Variants in PRKG1 observed in about 807,000 individuals in gnomAD.
The protein encoded by PRKG1 is protein kinase cGMP-dependent 1, also known as cGMP-dependent protein kinase 1.
In PRKG1, 35 loss-of-function variants were observed where a neutral mutation model predicts 88.1. The observed-to-expected ratio is 0.40, with a 90% CI of 0.30 to 0.53. The LOEUF (loss-of-function observed/expected upper bound fraction) is 0.53. Ranked by LOEUF, PRKG1 falls within the 20% of genes least tolerant of loss-of-function variation. PRKG1 has a pLI of 0.59. For synonymous variants in PRKG1, 303 were observed against 292.5 expected, an observed-to-expected ratio of 1.04 and a Z score of -0.37; for missense variants, 540 against 839.8, an observed-to-expected ratio of 0.64 and a Z score of 4.41.
rs1441404423 is a variant in PRKG1 at position 52,166,824 on chromosome 10, T to TA, written c.1076+4862dup. The stretch of plus-strand genomic sequence containing the variant: ...ATATATATATGTATATATATGTATA[T>TA]ATATGTATATATATGTATATATATG... On this transcript the variant is annotated intron_variant, in intron 9 of 17. Transcript: ENST00000373980. Among the ~76,000 whole-genome samples the TA allele has an allele frequency of 1.4e-3, 3 of 2,084 alleles. 1 individual carries two copies. The Non-Finnish European group carries it at 0.016, about 11-fold the overall frequency. 1.4% of individuals were successfully genotyped at this position (2,084 alleles called of 152,430 possible).
intron 3 of PRKG1, among the ~76,000 whole-genome samples, chr10:51,690,780 G>T (rs1270712321): frequency 1.3e-5 from 2 of 151,746 alleles, no homozygotes; most frequent in East Asian, 3.9e-4. Flanking sequence ...ACAAAAATTA[G>T]CTGGGTGTGG....
intron 2 of PRKG1, among the ~76,000 whole-genome samples, chr10:51,389,982 T>C (rs1837355837): frequency 1.3e-5 from 2 of 152,226 alleles, no homozygotes; most frequent in Admixed American, 6.5e-5. Flanking sequence ...ACTGGCCATA[T>C]GCAAAATCTG....
chr10:51,185,061 C>CAAGT (rs1156313304), intron 2 of PRKG1, among the ~76,000 whole-genome samples: 8 of 152,150 alleles, frequency 5.3e-5, no homozygotes, highest in African/African-American at 1.9e-4. Context: ...CTCACATCAT[C>CAAGT]AAGTGGAGAT....
intron 2 of PRKG1, among the ~76,000 whole-genome samples, chr10:51,404,356 AC>A (rs1837845033): frequency 1.3e-5 from 2 of 152,356 alleles, no homozygotes; most frequent in South Asian, 4.1e-4. Context: ...TTATGATGAA[AC>A]AATAACTGGG....
intron 2 of PRKG1, among the ~76,000 whole-genome samples, chr10:51,419,643 C>T (rs1450765432): frequency 6.6e-6 from 1 of 152,002 alleles, no homozygotes; most frequent in Non-Finnish European, 1.5e-5. Flanking sequence ...ATTTTTTAAA[C>T]TTAGAGATTA....
At chr10:51,749,482 T>C (rs1270783079) in intron 3 of PRKG1, among the ~76,000 whole-genome samples, 1 of 152,094 alleles carries the variant, frequency 6.6e-6, no homozygotes, top group Non-Finnish European at 1.5e-5. Context: ...TTCCTCTTCT[T>C]ATAAGGCCAT....
intron 2 of PRKG1, among the ~76,000 whole-genome samples, chr10:51,261,998 T>A (rs905721727): frequency 6.7e-6 from 1 of 149,418 alleles, no homozygotes; most frequent in Non-Finnish European, 1.5e-5. Context: ...GCCACTCTCC[T>A]GCCTCAGCCT....
intron 1 of PRKG1, among the ~76,000 whole-genome samples, chr10:51,138,140 A>G (rs10995831): frequency 0.16 from 23,799 of 152,264 alleles, 2,335 homozygotes; most frequent in Non-Finnish European, 0.23. Flanking sequence ...GGTTAAAATT[A>G]TCTATGAACA....
intron 3 of PRKG1, among the ~76,000 whole-genome samples, chr10:51,553,625 T>C (rs891059918): frequency 3.3e-5 from 5 of 151,482 alleles, no homozygotes; most frequent in African/African-American, 1.2e-4. Flanking sequence ...CATGTCACTT[T>C]CTTCTTAAAA....
intron 4 of PRKG1, among the ~76,000 whole-genome samples, chr10:51,866,648 C>T (rs1453710038): frequency 6.6e-6 from 1 of 152,090 alleles, no homozygotes; most frequent in Admixed American, 6.6e-5. Context: ...CCATGAGGTA[C>T]ACTAATTTAA....
In PRKG1 at chr10:51,112,036, C is replaced by T. The variant is rs537085525; in HGVS notation, c.311+37135C>T. Among the ~76,000 whole-genome samples the T allele has an allele frequency of 4.6e-5, 7 of 152,080 alleles. No individual in the cohort carries two copies. The South Asian group carries it at 1.5e-3, about 32-fold the overall frequency. ...GCTGAAAGCATTGTTTTATGGATGGCGTGTAAGGTAGGAAATAGGTTAAGT... is the reference window on the plus strand; with the variant it reads ...GCTGAAAGCATTGTTTTATGGATGGTGTGTAAGGTAGGAAATAGGTTAAGT... On this transcript the variant is annotated intron_variant, in intron 1 of 17. Transcript: ENST00000373980.
At chr10:52,068,222 A>AAAAAAG (rs1846406445) in intron 7 of PRKG1, among the ~76,000 whole-genome samples, 1 of 104,604 alleles carries the variant, frequency 9.6e-6, no homozygotes, top group Admixed American at 1.0e-4. Context: ...AAAAAAAAAA[A>AAAAAAG]AAAAAGATCC....
chr10:51,013,931 A>T (rs1010612282), intron 1 of PRKG1, among the ~76,000 whole-genome samples: 4 of 152,212 alleles, frequency 2.6e-5, no homozygotes, highest in African/African-American at 9.6e-5. Flanking sequence ...GCTGTAAAAC[A>T]TCTTCTGGGT....
intron 5 of PRKG1, among the ~76,000 whole-genome samples, chr10:51,945,133 G>A (rs1028272651): frequency 6.7e-6 from 1 of 150,294 alleles, no homozygotes; most frequent in Non-Finnish European, 1.5e-5. Flanking sequence ...ATGACTCTGG[G>A]TGCTCCTGTA....
rs919934179 is a variant in PRKG1, at chr10:52,295,586, C to T, written c.*1686C>T. The T allele has an allele frequency of 2.6e-5, 4 of 151,874 alleles. No individual in the cohort carries two copies. Among genetic ancestry groups the T allele is most frequent in the African/African-American group, 9.7e-5 (4 of 41,392 alleles). The allele number at this position is 151,874 out of a possible 1,614,324, so 9.4% of individuals were successfully genotyped here. A position where few individuals can be genotyped will look rare whatever the true frequency, so the allele number is the denominator to read the frequency against. On this transcript the variant is annotated 3_prime_UTR_variant, in exon 18 of 18. Transcript: ENST00000373980. The stretch of plus-strand genomic sequence containing the variant: ...GAAGAAAAATATAGAAGCTTTCAAG[C>T]TGTCATTCTGTTTTGGCCCTGTGTG...
chr10:51,939,388 T>A (rs906784006), intron 5 of PRKG1, among the ~76,000 whole-genome samples: 3 of 152,000 alleles, frequency 2.0e-5, no homozygotes, highest in African/African-American at 7.2e-5. Flanking sequence ...AAAACCATAA[T>A]TAATTTTTTT....
At chr10:51,514,935 AG>A (rs1841533454) in intron 3 of PRKG1, among the ~76,000 whole-genome samples, 1 of 152,140 alleles carries the variant, frequency 6.6e-6, no homozygotes, top group African/African-American at 2.4e-5. Flanking sequence ...TTGCTGTGAG[AG>A]GCTGTCCTGT....
At chr10:51,616,563 G>A (rs1482698136) in intron 3 of PRKG1, among the ~76,000 whole-genome samples, 6 of 152,012 alleles carry the variant, frequency 3.9e-5, no homozygotes, top group Non-Finnish European at 8.8e-5. Context: ...TAAGTGCTCA[G>A]GTGCCAACAG....
At chr10:51,945,079 T>G (rs1181010428) in intron 5 of PRKG1, among the ~76,000 whole-genome samples, 1 of 150,996 alleles carries the variant, frequency 6.6e-6, no homozygotes, top group African/African-American at 2.4e-5. Flanking sequence ...ATTATTATTG[T>G]GTGGGAGTCT....
Sources: allele counts gnomAD v4.1 joint callset (sites outside exome capture counted in the v4.1 genomes callset), GRCh38; gene constraint gnomAD v4.1.1; transcripts MANE v1.5; gene names NCBI Gene and HGNC (gene_info 2026-07-23, HGNC 2026-07-21).